IGF2BP2: variants seen among roughly 807,000 people sequenced by gnomAD.
IGF2BP2 encodes insulin like growth factor 2 mRNA binding protein 2.
In IGF2BP2, 17 loss-of-function variants were observed where a neutral mutation model predicts 75.8. The observed-to-expected ratio is 0.22, with a 90% CI of 0.15 to 0.34. IGF2BP2 has a LOEUF of 0.34. IGF2BP2 is among the 10% of genes least tolerant of loss of function. The pLI, the probability that IGF2BP2 is intolerant of heterozygous loss-of-function variation, is 1.00. For missense variants in IGF2BP2, 516 were observed against 772.4 expected (o/e 0.67, Z 3.93); for synonymous variants, 288 against 295.6 (o/e 0.97, Z 0.26).
chr3:185,771,569 C>G (rs1447456922), intron 2 of IGF2BP2, among the ~76,000 whole-genome samples: 1 of 152,044 alleles, frequency 6.6e-6, no homozygotes, highest in Non-Finnish European at 1.5e-5. Context: ...ATATCCAAAA[C>G]TCCTAAAACA....
intron 2 of IGF2BP2, among the ~76,000 whole-genome samples, chr3:185,765,633 G>A (rs1034080767): frequency 1.3e-5 from 2 of 152,192 alleles, no homozygotes; most frequent in African/African-American, 4.8e-5. Context: ...TACATGAAAG[G>A]CACGCAGAAG....
At chr3:185,670,458 A>T (rs1718340415) in intron 10 of IGF2BP2, among the ~76,000 whole-genome samples, 1 of 152,234 alleles carries the variant, frequency 6.6e-6, no homozygotes, top group African/African-American at 2.4e-5. Flanking sequence ...GTATATAAAC[A>T]GCCATGGCTG....
intron 9 of IGF2BP2, among the ~76,000 whole-genome samples, chr3:185,673,812 T>G (rs1718886395): frequency 1.3e-5 from 2 of 152,218 alleles, no homozygotes; most frequent in South Asian, 4.1e-4. Context: ...GTGCGTGACT[T>G]TGGCACAGAC....
At position 185,665,608 on chromosome 3, in the gene IGF2BP2, A is replaced by AGG. The variant is rs1560252685; in HGVS notation, c.1200+6932_1200+6933insCC. Among the ~76,000 whole-genome samples the AGG allele has an allele frequency of 9.1e-5, 13 of 143,382 alleles. No individual in the cohort carries two copies. The East Asian group carries it at 1.9e-3, about 22-fold the overall frequency. The allele number at this position is 143,382 out of a possible 152,430, so 94.1% of individuals were successfully genotyped here. ...AAGGAAGAAGAAGAAAAGGAAGAAG[A>AGG]AGGAGGAGGAGGAGGAGGATATCTA... is the stretch of plus-strand genomic sequence containing the variant. On this transcript the variant is annotated intron_variant, in intron 10 of 15. Coordinates refer to ENST00000382199, the MANE Select transcript of IGF2BP2 (RefSeq NM_006548.6).
At chr3:185,713,983 G>A (rs770310367) in intron 2 of IGF2BP2, among the ~76,000 whole-genome samples, 1 of 152,216 alleles carries the variant, frequency 6.6e-6, no homozygotes, top group African/African-American at 2.4e-5. Context: ...TTACAGGCGT[G>A]AGCCACCACG....
chr3:185,762,658 A>G (rs1296328666), intron 2 of IGF2BP2, among the ~76,000 whole-genome samples: 1 of 152,122 alleles, frequency 6.6e-6, no homozygotes, highest in African/African-American at 2.4e-5. Flanking sequence ...CTTAGATATA[A>G]TAATAGAGGT....
intron 3 of IGF2BP2, among the ~76,000 whole-genome samples, chr3:185,698,006 T>C (rs778208416): frequency 1.3e-5 from 2 of 152,050 alleles, no homozygotes; most frequent in East Asian, 3.9e-4. Context: ...CAACAAACCA[T>C]GAGATACAAA....
intron 6 of IGF2BP2, among the ~76,000 whole-genome samples, chr3:185,688,492 G>A (rs1343080974): frequency 6.6e-6 from 1 of 152,140 alleles, no homozygotes; most frequent in Non-Finnish European, 1.5e-5. Context: ...ACAGGCGTGA[G>A]CCACCACAAC....
intron 15 of IGF2BP2, 28 bp downstream of exon 15, chr3:185,646,997 G>GA (rs1560218319): frequency 6.6e-7 from 1 of 1,515,734 alleles, no homozygotes. Flanking sequence ...AGACTTGCAG[G>GA]AGAGACAGGG....
At chr3:185,800,718 AAAAGAAAGAAAG>A (rs1553893939) in intron 2 of IGF2BP2, among the ~76,000 whole-genome samples, 1 of 143,290 alleles carries the variant, frequency 7.0e-6, no homozygotes, top group Non-Finnish European at 1.5e-5. Context: ...GAGCCAAAAA[AAAAGAAAGAAAG>A]AAAGAAAGAA....
chr3:185,811,185 T>G (rs1739771974), intron 2 of IGF2BP2, among the ~76,000 whole-genome samples: 1 of 152,120 alleles, frequency 6.6e-6, no homozygotes, highest in African/African-American at 2.4e-5. Context: ...TATTATTTTA[T>G]TAATAGGTAA....
At position 185,692,699 on chromosome 3, in the gene IGF2BP2, A is replaced by G; in HGVS notation, c.404T>C (p.Ile135Thr). The change falls in exon 5 of 16, where the codon ATA becomes ACA. Residue 135 changes from isoleucine to threonine, a missense_variant and splice_region_variant. Ile to Thr is a moderately conservative substitution (Grantham distance 89, BLOSUM62 -1). Coordinates refer to ENST00000382199, the MANE Select transcript of IGF2BP2 (RefSeq NM_006548.6). ...CAGAAATAAGCCCAAATCTGCTTAC[A>G]TTTTTGCTTCTTCTCTTGTTGCATA... ...VTYATREEAK[I>T]AMEKLSGHQF... The G allele has an allele frequency of 6.2e-7, 1 of 1,612,536 alleles. No homozygotes were observed. Among genetic ancestry groups the G allele is most frequent in the Non-Finnish European group, 8.5e-7 (1 of 1,178,868 alleles).
At chr3:185,797,920 A>G (rs1027685317) in intron 2 of IGF2BP2, among the ~76,000 whole-genome samples, 5 of 127,624 alleles carry the variant, frequency 3.9e-5, no homozygotes, top group Non-Finnish European at 6.6e-5. Context: ...AAAAAAAAAA[A>G]GCCGGGCGTG....
chr3:185,786,224 C>A (rs1412009659), intron 2 of IGF2BP2, among the ~76,000 whole-genome samples: 3 of 152,058 alleles, frequency 2.0e-5, no homozygotes, highest in Non-Finnish European at 4.4e-5. Context: ...ATTTCACTCC[C>A]CCCAAGAATC....
intron 8 of IGF2BP2, 46 bp downstream of exon 8, chr3:185,675,745 C>A: frequency 6.2e-7 from 1 of 1,602,050 alleles, no homozygotes; most frequent in South Asian, 1.1e-5. Context: ...TCGAAATGCT[C>A]AGGTGTTCCA....
At chr3:185,715,148 C>T (rs988306114) in intron 2 of IGF2BP2, among the ~76,000 whole-genome samples, 8 of 152,094 alleles carry the variant, frequency 5.3e-5, no homozygotes, top group East Asian at 1.9e-4. Context: ...AGGCAGAATA[C>T]GCCAATGGGA....
chr3:185,769,800 C>T (rs1394814620), intron 2 of IGF2BP2, among the ~76,000 whole-genome samples: 5 of 145,820 alleles, frequency 3.4e-5, no homozygotes, highest in East Asian at 2.1e-4. Context: ...ACTGCACTCC[C>T]GCCTGGATGA....
intron 2 of IGF2BP2, among the ~76,000 whole-genome samples, chr3:185,715,800 C>T (rs1376925749): frequency 6.6e-6 from 1 of 152,154 alleles, no homozygotes; most frequent in South Asian, 2.1e-4. Context: ...CCCGTCACCA[C>T]ACCCAGCTAA....
intron 2 of IGF2BP2, among the ~76,000 whole-genome samples, chr3:185,768,649 C>T (rs1280433277): frequency 6.6e-6 from 1 of 152,180 alleles, no homozygotes; most frequent in Non-Finnish European, 1.5e-5. Context: ...AGATTCAGAT[C>T]ATGTGACTAG....
Sources: allele counts gnomAD v4.1 joint callset (sites outside exome capture counted in the v4.1 genomes callset), GRCh38; gene constraint gnomAD v4.1.1; transcripts MANE v1.5; gene names NCBI Gene and HGNC (gene_info 2026-07-23, HGNC 2026-07-21).